The following ZC3HAV1 variants were observed in gnomAD, a reference collection of about 807,000 sequenced individuals.
The protein encoded by ZC3HAV1 is zinc finger CCCH-type containing, antiviral 1.
Under a neutral mutation model 86.6 loss-of-function variants are expected in ZC3HAV1, and 41 were observed. The observed-to-expected ratio is 0.47, with a 90% confidence interval of 0.37 to 0.61. The LOEUF (loss-of-function observed/expected upper bound fraction) is 0.61. Among genes scored for constraint, ZC3HAV1 ranks in the 20% least tolerant of loss-of-function variants. The probability of loss-of-function intolerance (pLI) is 0.00; values close to 1 mark genes in which losing one functional copy is unlikely to be tolerated. For synonymous variants in ZC3HAV1, 421 were observed against 432.1 expected (o/e 0.97, Z 0.32); for missense variants, 964 against 1,141.1 (o/e 0.84, Z 2.24).
intron 9 of ZC3HAV1, chr7:139,060,711 A>G (rs2130676448): frequency 9.0e-7 from 1 of 1,113,276 alleles, no homozygotes; most frequent in Non-Finnish European, 1.1e-6. Flanking sequence ...CAGCAAAACA[A>G]AAACCCAGTA....
chr7:139,079,562 G>A lies in ZC3HAV1; in HGVS notation c.1379C>T (p.Pro460Leu). The A allele has an allele frequency of 6.2e-7, 1 of 1,614,184 alleles. No individual in the cohort carries two copies. The highest frequency in any genetic ancestry group is 8.5e-7 in the Non-Finnish European group (1 of 1,180,034). Residue 460 changes from proline (P) to leucine (L), a missense_variant, in exon 4 of 13, where the codon CCT (proline) becomes CTT (leucine). Coordinates refer to ENST00000242351, the MANE Select transcript of ZC3HAV1 (RefSeq NM_020119.4). ...AGCAGGTCCAGCATCCTGAATCCTA[G>A]GTGATGATATTTCTCTGTGACCGCT... ...TSSGHREISS[P>L]RIQDAGPASR...
intron 1 of ZC3HAV1, among the ~76,000 whole-genome samples, chr7:139,105,816 G>T (rs1817918020): frequency 6.6e-6 from 1 of 152,050 alleles, no homozygotes; most frequent in Admixed American, 6.6e-5. Flanking sequence ...CTCACAAGTG[G>T]CAAGTTTTGG....
In ZC3HAV1 at chr7:139,086,138, C is replaced by T. The variant is rs911932351; in HGVS notation, c.445-2106G>A. ...GAAATTAGCTGAACTCTGGCTGACT[C>T]CTCCTGCCAAAGCCCTATGAAAAAA... is the stretch of plus-strand genomic sequence containing the variant. On this transcript the variant is annotated intron_variant, in intron 2 of 12. Coordinates refer to ENST00000242351, the MANE Select transcript of ZC3HAV1 (RefSeq NM_020119.4). 1.2e-4 allele frequency among the ~76,000 whole-genome samples: 18 copies of T among 152,288 alleles called. 1 individual carries two copies. In the South Asian group the frequency reaches 3.5e-3, roughly 30 times the overall value.
In ZC3HAV1 at chr7:139,079,819, C is replaced by G. The variant is rs778772797; in HGVS notation, c.1122G>C (p.Lys374Asn). 16 of 1,614,044 alleles carry G rather than the reference C, an allele frequency of 9.9e-6. No individual in the cohort carries two copies. The highest frequency in any genetic ancestry group is 1.4e-5 in the Non-Finnish European group (16 of 1,180,036). Residue 374 changes from lysine to asparagine, a missense_variant, in exon 4 of 13, where the codon AAG becomes AAC. Coordinates refer to ENST00000242351, the MANE Select transcript of ZC3HAV1 (RefSeq NM_020119.4). Reference protein sequence around the residue: ...SWTNDQGARRKTVFSPTLPAA... With the variant: ...SWTNDQGARRNTVFSPTLPAA... ...CAGGTAGCGTGGGAGAAAACACAGT[C>G]TTTCTCCTGGCGCCTTGGTCATTCG...
chr7:139,055,878 C>A (rs1300722450), intron 9 of ZC3HAV1, among the ~76,000 whole-genome samples: 1 of 152,162 alleles, frequency 6.6e-6, no homozygotes, highest in African/African-American at 2.4e-5. Flanking sequence ...CAATCATTAT[C>A]ATTAGCTACT....
Position 139,080,091 on chromosome 7 carries a change from A to G in ZC3HAV1, c.850T>C (p.Ser284Pro). The G allele has an allele frequency of 6.2e-7, 1 of 1,614,176 alleles. No homozygotes were observed. Among genetic ancestry groups the G allele is most frequent in the Non-Finnish European group, 8.5e-7 (1 of 1,180,034 alleles). ...TCGTCCACAGGCGCGTCCTCCAGGG[A>G]AGCCCTGTGGCTGATCTGATCTGGA... ...PSPDQISHRA[S>P]LEDAPVDDLT... The change falls in exon 4 of 13, where the codon TCC becomes CCC. Residue 284 changes from serine to proline, a missense_variant. Ser to Pro is a moderately conservative substitution (Grantham distance 74). Coordinates refer to ENST00000242351, the MANE Select transcript of ZC3HAV1 (RefSeq NM_020119.4).
chr7:139,076,134 G>A (rs1563132055), intron 6 of ZC3HAV1, 152 bp downstream of exon 6: 2 of 1,269,528 alleles, frequency 1.6e-6, no homozygotes, highest in Non-Finnish European at 1.1e-6. Flanking sequence ...TAACTCGGCA[G>A]GCATTTGCCA....
Position 139,073,793 on chromosome 7 carries a change from C to T in ZC3HAV1, c.1872+63G>A, listed in dbSNP as rs116821222. ...GGCATGAGCCACCGTGCCCAGCCAA[C>T]AGTGTTCTTTTTAAGTTGACAAGTT... On this transcript the variant is annotated intron_variant, in intron 7 of 12. Coordinates refer to ENST00000242351, the MANE Select transcript of ZC3HAV1 (RefSeq NM_020119.4). The T allele has an allele frequency of 3.2e-3, 4,786 of 1,503,806 alleles. 122 individuals carry two copies. The African/African-American group carries it at 0.059, about 19-fold the overall frequency. 93.2% of individuals were successfully genotyped at this position (1,503,806 alleles called of 1,614,324 possible). A position where few individuals can be genotyped will look rare whatever the true frequency, so the allele number is the denominator to read the frequency against.
At chr7:139,088,427 C>T (rs550880959) in intron 2 of ZC3HAV1, among the ~76,000 whole-genome samples, 1 of 152,238 alleles carries the variant, frequency 6.6e-6, no homozygotes, top group African/African-American at 2.4e-5. Context: ...ATACAATGTC[C>T]ATGTCACATC....
intron 5 of ZC3HAV1, among the ~76,000 whole-genome samples, chr7:139,077,809 A>AAAAC (rs111983366): frequency 0.29 from 43,553 of 151,922 alleles, 7,350 homozygotes; most frequent in African/African-American, 0.43. Context: ...TGACAACTTC[A>AAAAC]AAACAAACAA....
intron 1 of ZC3HAV1, among the ~76,000 whole-genome samples, chr7:139,102,729 A>T (rs1379967408): frequency 4.0e-5 from 1 of 25,014 alleles, no homozygotes; most frequent in Non-Finnish European, 6.4e-5. Flanking sequence ...CTGTCTCTAT[A>T]CACACACACA....
intron 9 of ZC3HAV1, among the ~76,000 whole-genome samples, chr7:139,059,897 G>C (rs1029830930): frequency 2.0e-5 from 3 of 152,158 alleles, no homozygotes; most frequent in Non-Finnish European, 2.9e-5. Context: ...TGTTACCCAA[G>C]CAACCGTGAG....
chr7:139,109,551 G>T lies in ZC3HAV1; in HGVS notation c.-220C>A, dbSNP rs1325557757. 4 of 555,458 alleles carry T rather than the reference G, an allele frequency of 7.2e-6. No individual in the cohort carries two copies. The highest frequency in any genetic ancestry group is 1.2e-5 in the Non-Finnish European group (4 of 334,268). The allele number at this position is 555,458 out of a possible 1,614,324, so 34.4% of individuals were successfully genotyped here. A position where few individuals can be genotyped will look rare whatever the true frequency, so the allele number is the denominator to read the frequency against. On this transcript the variant is annotated 5_prime_UTR_variant, in exon 1 of 13. Transcript: ENST00000242351. The stretch of plus-strand genomic sequence containing the variant: ...AGATCTCACCGACCGGGTCCTAGTG[G>T]CAGGTTTACAGCCGGCCGCAAGGGC...
chr7:139,063,027 C>CAAAAAAAAAAAAAAAAAAAAAA (rs58859916), intron 8 of ZC3HAV1, among the ~76,000 whole-genome samples: 8 of 68,102 alleles, frequency 1.2e-4, no homozygotes, highest in South Asian at 6.6e-4. Context: ...GACTCTGTCT[C>CAAAAAAAAAAAAAAAAAAAAAA]AAAAAAAAAA....
chr7:139,097,430 T>TATATATATATATATA (rs1563140687), intron 1 of ZC3HAV1, among the ~76,000 whole-genome samples: 1 of 61,846 alleles, frequency 1.6e-5, no homozygotes, highest in Non-Finnish European at 2.9e-5. Flanking sequence ...ATATATATAT[T>TATATATATATATATA]TTTTTTTTTT....
chr7:139,055,212 T>G lies in ZC3HAV1; in HGVS notation c.2180A>C (p.Lys727Thr). Residue 727 changes from lysine to threonine, a missense_variant, in exon 10 of 13, where the codon AAA becomes ACA. Physicochemically the swap from Lys to Thr is moderately conservative, Grantham distance 78 (BLOSUM62 -1). Coordinates refer to ENST00000242351, the MANE Select transcript of ZC3HAV1 (RefSeq NM_020119.4). ...ACATGTAAAACCAAGTACCTTATAT[T>G]TCTTTGAGGATAGGAAGCAAAAGTC... is the stretch of plus-strand genomic sequence containing the variant. ...QEDFCFLSSKKYKLSEIHHLH... is the reference protein window; with the variant it reads ...QEDFCFLSSKTYKLSEIHHLH... 6.2e-7 allele frequency: 1 copy of G among 1,612,818 alleles called. No individual in the cohort carries two copies. Among genetic ancestry groups the G allele is most frequent in the Non-Finnish European group, 8.5e-7 (1 of 1,179,218 alleles).
Position 139,109,046 on chromosome 7 carries a change from A to T in ZC3HAV1, c.286T>A (p.Cys96Ser). The T allele has an allele frequency of 6.3e-7, 1 of 1,578,268 alleles. No individual in the cohort carries two copies. The highest frequency in any genetic ancestry group is 1.1e-5 in the South Asian group (1 of 87,116). ...HLCKLNLLGRCNYSQSERNLC... is the reference protein window; with the variant it reads ...HLCKLNLLGRSNYSQSERNLC... ...CACCGCTCGGACTGCGAATAGTTGC[A>T]CCGGCCCAGCAAGTTGAGTTTGCAG... The change falls in exon 1 of 13, where the codon TGC (cysteine) becomes AGC (serine). Residue 96 changes from cysteine (C) to serine (S), a missense_variant. By Grantham distance (112) the Cys-to-Ser change is moderately radical. Coordinates refer to ENST00000242351, the MANE Select transcript of ZC3HAV1 (RefSeq NM_020119.4).
At chr7:139,065,076 G>A in intron 7 of ZC3HAV1, 77 bp from the exon 8 acceptor site, 1 of 1,581,002 alleles carries the variant, frequency 6.3e-7, no homozygotes, top group Non-Finnish European at 8.6e-7. Flanking sequence ...TTTCGTTTTA[G>A]CAATGAGATG....
rs1334466058 is a variant in ZC3HAV1 at position 139,073,957 on chromosome 7, T to C, written c.1771A>G (p.Thr591Ala). The C allele has an allele frequency of 1.9e-6, 3 of 1,613,592 alleles. No homozygotes were observed. Among genetic ancestry groups the C allele is most frequent in the Non-Finnish European group, 2.5e-6 (3 of 1,179,824 alleles). ...CDSFPIRRLSTPSSVTKPANS... is the reference protein window; with the variant it reads ...CDSFPIRRLSAPSSVTKPANS... ...GCTGGCTTGGTGACAGAAGAAGGAG[T>C]GGAGAGGCGTCGGATGGGAAAGGAA... Residue 591 changes from threonine to alanine, a missense_variant, in exon 7 of 13, where the codon ACT becomes GCT. By Grantham distance (58) the Thr-to-Ala change is moderately conservative (BLOSUM62 0). Coordinates refer to ENST00000242351, the MANE Select transcript of ZC3HAV1 (RefSeq NM_020119.4).
Sources: allele counts gnomAD v4.1 joint callset (sites outside exome capture counted in the v4.1 genomes callset), GRCh38; gene constraint gnomAD v4.1.1; transcripts MANE v1.5; gene names NCBI Gene and HGNC (gene_info 2026-07-23, HGNC 2026-07-21).